Variants in LHPP observed in about 807,000 individuals in gnomAD.
The protein encoded by LHPP is phospholysine phosphohistidine inorganic pyrophosphate phosphatase.
Under a neutral mutation model 30.3 loss-of-function variants are expected in LHPP, and 24 were observed. The observed-to-expected ratio is 0.79, with a 90% CI of 0.57 to 1.11. The LOEUF is 1.11. LHPP is among the 50% of genes most tolerant of loss of function. The pLI is 0.00. For missense variants in LHPP, 356 were observed against 367.2 expected, an observed-to-expected ratio of 0.97 and a Z score of 0.25; for synonymous variants, 150 against 157.1, an observed-to-expected ratio of 0.95 and a Z score of 0.34.
chr10:124,587,024 C>CTTTTTT (rs57728201), intron 6 of LHPP, among the ~76,000 whole-genome samples: 1 of 120,742 alleles, frequency 8.3e-6, no homozygotes, highest in African/African-American at 3.0e-5. Context: ...GTGCTTGCTA[C>CTTTTTT]TTTTTTTTTT....
At chr10:124,579,991 T>C (rs943396275) in intron 6 of LHPP, among the ~76,000 whole-genome samples, 4 of 152,258 alleles carry the variant, frequency 2.6e-5, no homozygotes, top group Non-Finnish European at 4.4e-5. Flanking sequence ...TTTGTTGTAA[T>C]ATAATCCACA....
chr10:124,597,659 G>A (rs1563278), intron 6 of LHPP, among the ~76,000 whole-genome samples: 67,244 of 151,928 alleles, frequency 0.44, 15,157 homozygotes, highest in East Asian at 0.68. Flanking sequence ...CTGCCCCCAT[G>A]TGGTTTGGCC....
At chr10:124,502,539 T>G (rs2133883349) in intron 5 of LHPP, among the ~76,000 whole-genome samples, 1 of 151,064 alleles carries the variant, frequency 6.6e-6, no homozygotes, top group South Asian at 2.1e-4. Context: ...TAATTTTTGT[T>G]TTTGTATTTT....
intron 6 of LHPP, among the ~76,000 whole-genome samples, chr10:124,575,121 C>T (rs1948640925): frequency 6.6e-6 from 1 of 152,032 alleles, no homozygotes; most frequent in Non-Finnish European, 1.5e-5. Context: ...TTCCCCCCAC[C>T]CCCAAATATT....
At position 124,517,216 on chromosome 10, in the gene LHPP, G is replaced by A. The variant is rs538187592; in HGVS notation, c.661G>A (p.Gly221Ser). 1.2e-5 allele frequency: 20 copies of A among 1,606,978 alleles called. No homozygotes were observed. Among genetic ancestry groups the A allele is most frequent in the Middle Eastern group, 3.3e-4 (2 of 6,042 alleles). Residue 221 changes from glycine to serine, a missense_variant, in exon 6 of 7, where the codon GGC becomes AGC. By Grantham distance (56) the Gly-to-Ser change is moderately conservative. Coordinates refer to ENST00000368842, the MANE Select transcript of LHPP (RefSeq NM_022126.4). This position sits in a 1 kb window ranked among gnomAD's most constrained non-coding sequence, Gnocchi z 4.1. ...MIGDDIVGDVGGAQRCGMRAL... is the reference protein window; with the variant it reads ...MIGDDIVGDVSGAQRCGMRAL... ...TGGGGACGATATCGTGGGCGACGTC[G>A]GCGGTGCCCAGCGGTGTGGAATGAG...
In LHPP at chr10:124,465,169, A is replaced by T. The variant is rs571770919; in HGVS notation, c.125+3182A>T. 2.0e-5 allele frequency among the ~76,000 whole-genome samples: 3 copies of T among 152,162 alleles called. No individual in the cohort carries two copies. The South Asian group carries it at 6.2e-4, about 32-fold the overall frequency. ...GAAGGCACTGGACAGACCCGGAGGGATAAGAGGGAACTGTCTGCAGGAAGA... is the reference window on the plus strand; with the variant it reads ...GAAGGCACTGGACAGACCCGGAGGGTTAAGAGGGAACTGTCTGCAGGAAGA... On this transcript the variant is annotated intron_variant, in intron 1 of 6. Coordinates refer to ENST00000368842, the MANE Select transcript of LHPP (RefSeq NM_022126.4).
intron 5 of LHPP, among the ~76,000 whole-genome samples, chr10:124,505,036 A>G (rs1472818832): frequency 6.6e-6 from 1 of 152,072 alleles, no homozygotes; most frequent in East Asian, 1.9e-4. Context: ...GGCTCCGAGC[A>G]TATGTGGCAA....
chr10:124,484,000 A>AG (rs989978155), intron 1 of LHPP, 139 bp from the exon 2 acceptor site: 2 of 723,874 alleles, frequency 2.8e-6, no homozygotes, highest in African/African-American at 1.8e-5. Context: ...TGGATCAGCC[A>AG]GGACCCCCTC....
At chr10:124,560,423 A>G (rs989628518) in intron 6 of LHPP, among the ~76,000 whole-genome samples, 9 of 152,188 alleles carry the variant, frequency 5.9e-5, no homozygotes, top group Non-Finnish European at 1.0e-4. Context: ...TTTGAAACAG[A>G]CCCATCTGCG....
At chr10:124,493,107 T>C (rs532588759) in intron 3 of LHPP, among the ~76,000 whole-genome samples, 1 of 98,776 alleles carries the variant, frequency 1.0e-5, no homozygotes, top group Non-Finnish European at 2.2e-5. Flanking sequence ...AGAACAGGTA[T>C]ATTGTTGAAA....
intron 6 of LHPP, among the ~76,000 whole-genome samples, chr10:124,602,113 C>T (rs574099575): frequency 6.6e-6 from 1 of 152,362 alleles, no homozygotes; most frequent in Admixed American, 6.5e-5. Context: ...CAGAGACACC[C>T]AGATGCAGGC....
chr10:124,559,479 T>A (rs947224590), intron 6 of LHPP, among the ~76,000 whole-genome samples: 1 of 152,222 alleles, frequency 6.6e-6, no homozygotes, highest in African/African-American at 2.4e-5. Context: ...ACCAGGGGCC[T>A]GGCTGGCTTC....
chr10:124,582,366 G>A (rs1441897776), intron 6 of LHPP, among the ~76,000 whole-genome samples: 2 of 152,172 alleles, frequency 1.3e-5, no homozygotes, highest in Non-Finnish European at 2.9e-5. Context: ...TTATAGGTGT[G>A]AGCCACCACA....
At chr10:124,598,112 G>C (rs1276667439) in intron 6 of LHPP, among the ~76,000 whole-genome samples, 1 of 152,242 alleles carries the variant, frequency 6.6e-6, no homozygotes, top group Non-Finnish European at 1.5e-5. Context: ...AGATGGGGCA[G>C]TGGCACCTAC....
intron 1 of LHPP, among the ~76,000 whole-genome samples, chr10:124,482,614 TC>T (rs1356057697): frequency 1.3e-5 from 2 of 151,702 alleles, no homozygotes; most frequent in Admixed American, 6.6e-5. Context: ...CCTGTCACCC[TC>T]CCCCCAGGTC....
At position 124,546,425 on chromosome 10, in the gene LHPP, C is replaced by T. The variant is rs866277196; in HGVS notation, c.716+29154C>T. 2.3e-4 allele frequency among the ~76,000 whole-genome samples: 35 copies of T among 151,840 alleles called. No homozygotes were observed. In the Middle Eastern group the frequency reaches 0.014, roughly 59 times the overall value. ...TGTTTGTTTGTTTGTTTTTTTGAGA[C>T]GGAGTCTCACTCTGTCGCCCAGGCT... On this transcript the variant is annotated intron_variant, in intron 6 of 6. Coordinates refer to ENST00000368842, the MANE Select transcript of LHPP (RefSeq NM_022126.4).
intron 6 of LHPP, among the ~76,000 whole-genome samples, chr10:124,557,741 G>A (rs1948327212): frequency 6.6e-6 from 1 of 152,106 alleles, no homozygotes; most frequent in South Asian, 2.1e-4. Flanking sequence ...CATGATGCCA[G>A]GCAAGGCTGG....
intron 6 of LHPP, among the ~76,000 whole-genome samples, chr10:124,589,833 G>A (rs762768451): frequency 2.0e-5 from 3 of 152,146 alleles, no homozygotes; most frequent in Non-Finnish European, 2.9e-5. Flanking sequence ...GGCCCCCTGC[G>A]TGCAGCCCCG....
chr10:124,552,190 A>G (rs1034950024), intron 6 of LHPP, among the ~76,000 whole-genome samples: 1 of 152,132 alleles, frequency 6.6e-6, no homozygotes, highest in Non-Finnish European at 1.5e-5. Context: ...TGTTAATGGC[A>G]GCAGCAGCCA....
Sources: gnomAD v4.1 joint callset for allele counts (sites outside exome capture counted in the v4.1 genomes callset) on GRCh38, gnomAD v4.1.1 for gene constraint, Gnocchi (gnomAD v3.1) non-coding constraint, MANE v1.5 for transcripts, NCBI Gene and HGNC (gene_info 2026-07-23, HGNC 2026-07-21) for gene names.